Variants in AKT3 observed in about 807,000 individuals in gnomAD.
The protein encoded by AKT3 is RAC-gamma serine/threonine-protein kinase.
In AKT3, 15 loss-of-function variants were observed where a neutral mutation model predicts 65.3. The observed-to-expected ratio is 0.23, with a 90% CI of 0.15 to 0.35. AKT3 has a LOEUF of 0.35. Among genes scored for constraint, AKT3 ranks in the 10% least tolerant of loss-of-function variants. The probability of loss-of-function intolerance (pLI) is 1.00; values close to 1 mark genes in which losing one functional copy is unlikely to be tolerated. For synonymous variants in AKT3, 206 were observed against 183.8 expected, an observed-to-expected ratio of 1.12 and a Z score of -0.98; for missense variants, 243 against 576.5, an observed-to-expected ratio of 0.42 and a Z score of 5.92.
At position 243,572,986 on chromosome 1, in the gene AKT3, T is replaced by C; in HGVS notation, c.759A>G (p.Ala253=). The C allele has an allele frequency of 6.2e-7, 1 of 1,613,584 alleles. No homozygotes were observed. Among genetic ancestry groups the C allele is most frequent in the Middle Eastern group, 1.7e-4 (1 of 6,054 alleles). ...GATAGTCCAAGGCAGAGACAATTTC[T>C]GCACCATAGAAACGTGTGCGGTCCT... ...FSEDRTRFYG[A]EIVSALDYLH... Residue 253 remains alanine (A), a synonymous_variant, in exon 9 of 14, where the codon GCA becomes GCG. Coordinates refer to ENST00000673466, the MANE Select transcript of AKT3 (RefSeq NM_005465.7).
At chr1:243,794,501 AC>A (rs1439159951) in intron 2 of AKT3, 1 of 152,264 alleles carries the variant, frequency 6.6e-6, no homozygotes, top group Non-Finnish European at 1.5e-5. Flanking sequence ...CAACTACTTT[AC>A]AAACAAAATT....
chr1:243,641,047 G>GA (rs1680346360), intron 5 of AKT3, among the ~76,000 whole-genome samples: 1 of 151,958 alleles, frequency 6.6e-6, no homozygotes, highest in African/African-American at 2.4e-5. Flanking sequence ...AAAGCAGGCA[G>GA]AAAAACATGA....
chr1:243,581,250 CCCT>C, intron 8 of AKT3, among the ~76,000 whole-genome samples: 1 of 152,348 alleles, frequency 6.6e-6, no homozygotes, highest in Non-Finnish European at 1.5e-5. Flanking sequence ...TCTGCCAACC[CCCT>C]GACCCTGGGG....
At chr1:243,818,410 C>T (rs899706979) in intron 2 of AKT3, among the ~76,000 whole-genome samples, 9 of 152,164 alleles carry the variant, frequency 5.9e-5, no homozygotes, top group Non-Finnish European at 1.2e-4. Flanking sequence ...GTATCTCACA[C>T]ATCCCAGTTT....
At chr1:243,528,368 A>C (rs990254129) in intron 12 of AKT3, among the ~76,000 whole-genome samples, 20 of 152,100 alleles carry the variant, frequency 1.3e-4, no homozygotes, top group Non-Finnish European at 1.8e-4. Context: ...GGTTTGTTAT[A>C]TAGGAAAACT....
intron 12 of AKT3, among the ~76,000 whole-genome samples, chr1:243,524,724 G>T (rs1670935728): frequency 6.6e-6 from 1 of 152,170 alleles, no homozygotes; most frequent in Non-Finnish European, 1.5e-5. Flanking sequence ...GCATAATTAA[G>T]AACAAATACT....
intron 5 of AKT3, among the ~76,000 whole-genome samples, chr1:243,644,352 T>C (rs991807847): frequency 6.6e-6 from 1 of 152,138 alleles, no homozygotes; most frequent in African/African-American, 2.4e-5. Flanking sequence ...CCAGTAGAAC[T>C]TTACTATCAC....
chr1:243,643,046 T>G (rs1202512236), intron 5 of AKT3, among the ~76,000 whole-genome samples: 1 of 152,202 alleles, frequency 6.6e-6, no homozygotes, highest in Non-Finnish European at 1.5e-5. Context: ...TGGTGCTCTT[T>G]CTCACGGGAA....
At chr1:243,689,462 T>TATATAATAAATTTGAATAA (rs1684549471) in intron 3 of AKT3, among the ~76,000 whole-genome samples, 2 of 151,058 alleles carry the variant, frequency 1.3e-5, no homozygotes, top group Non-Finnish European at 2.9e-5. Context: ...AAAATCTCTG[T>TATATAATAAATTTGAATAA]ATATAATATT....
intron 2 of AKT3, among the ~76,000 whole-genome samples, chr1:243,755,204 G>A (rs1404987572): frequency 1.3e-5 from 2 of 151,622 alleles, no homozygotes; most frequent in African/African-American, 2.4e-5. Flanking sequence ...GAGCAGTGGG[G>A]ATTACAGGCG....
At chr1:243,812,724 T>C (rs1448491790) in intron 2 of AKT3, among the ~76,000 whole-genome samples, 1 of 152,060 alleles carries the variant, frequency 6.6e-6, no homozygotes, top group Non-Finnish European at 1.5e-5. Flanking sequence ...TGCACACGTA[T>C]GTTTATTGCG....
intron 4 of AKT3, among the ~76,000 whole-genome samples, chr1:243,663,339 C>G (rs758401383): frequency 6.6e-6 from 1 of 152,046 alleles, no homozygotes; most frequent in Non-Finnish European, 1.5e-5. Flanking sequence ...TAGGAATTAG[C>G]CCAACTTAGT....
At chr1:243,550,439 A>C (rs1242176628) in intron 11 of AKT3, among the ~76,000 whole-genome samples, 1 of 152,088 alleles carries the variant, frequency 6.6e-6, no homozygotes, top group Non-Finnish European at 1.5e-5. Flanking sequence ...CTAAGTACCG[A>C]CTATGTGCTA....
chr1:243,532,302 A>G (rs1671594163), intron 12 of AKT3, among the ~76,000 whole-genome samples: 1 of 152,162 alleles, frequency 6.6e-6, no homozygotes, highest in South Asian at 2.1e-4. Context: ...TTTTTCATAT[A>G]TGACCTTTAT....
At chr1:243,715,178 C>A (rs1686426051) in intron 2 of AKT3, among the ~76,000 whole-genome samples, 1 of 152,006 alleles carries the variant, frequency 6.6e-6, no homozygotes, top group Non-Finnish European at 1.5e-5. Context: ...TGTGACTCCA[C>A]CCAGGAAATT....
intron 2 of AKT3, among the ~76,000 whole-genome samples, chr1:243,729,504 TAA>T (rs540609110): frequency 1.3e-5 from 2 of 152,142 alleles, no homozygotes; most frequent in African/African-American, 4.8e-5. Flanking sequence ...TCATAGATTA[TAA>T]AGAGACATGA....
chr1:243,840,847 A>C (rs12087843), intron 2 of AKT3, among the ~76,000 whole-genome samples: 4,040 of 152,216 alleles, frequency 0.027, 175 homozygotes, highest in African/African-American at 0.092. Flanking sequence ...TAGGATCAGT[A>C]TTAAAAGTTA....
intron 2 of AKT3, among the ~76,000 whole-genome samples, chr1:243,819,186 G>T (rs562083502): frequency 6.6e-6 from 1 of 152,224 alleles, no homozygotes; most frequent in Non-Finnish European, 1.5e-5. Context: ...TGTCCAAGAC[G>T]ACTAAGCTCC....
At chr1:243,648,256 TAAA>T (rs751165191) in intron 4 of AKT3, among the ~76,000 whole-genome samples, 1 of 127,052 alleles carries the variant, frequency 7.9e-6, no homozygotes. Context: ...AGACTCCGTC[TAAA>T]AAAAAAAAAA....
Sources: gnomAD v4.1 joint callset for allele counts (sites outside exome capture counted in the v4.1 genomes callset) on GRCh38, gnomAD v4.1.1 for gene constraint, MANE v1.5 for transcripts, NCBI Gene and HGNC (gene_info 2026-07-23, HGNC 2026-07-21) for gene names.